Variants in INPP5F observed in about 807,000 individuals in gnomAD.
INPP5F encodes inositol polyphosphate-5-phosphatase F, also known as phosphatidylinositide 4-phosphatase SAC2.
INPP5F carries 97 observed loss-of-function variants against 137.2 expected under a neutral mutation model. The ratio of observed to expected loss-of-function variants is 0.71; its 90% CI spans 0.60 to 0.84. The LOEUF (loss-of-function observed/expected upper bound fraction) is 0.84. Among genes scored for constraint, INPP5F ranks in the 40% least tolerant of loss-of-function variants. The probability of loss-of-function intolerance (pLI) is 0.00; values close to 1 mark genes in which losing one functional copy is unlikely to be tolerated. For synonymous variants in INPP5F, 504 were observed against 476.9 expected (o/e 1.06, Z -0.74); for missense variants, 1,271 against 1,371.9 (o/e 0.93, Z 1.16).
chr10:119,735,365 T>G (rs1848189150), intron 1 of INPP5F, among the ~76,000 whole-genome samples: 1 of 152,232 alleles, frequency 6.6e-6, no homozygotes, highest in African/African-American at 2.4e-5. Flanking sequence ...AAGCCAATTT[T>G]CTTTATGAAT....
In INPP5F at chr10:119,765,880, TAGAGAGAG is replaced by T. The variant is rs3065469; in HGVS notation, c.178+14736_178+14743del. ...ACACTATATACTATATATATATATA[TAGAGAGAG>T]AGAGAGAGAGACGGAGATTTAACAT... On this transcript the variant is annotated intron_variant, in intron 2 of 19. Coordinates refer to ENST00000650623, the MANE Select transcript of INPP5F (RefSeq NM_014937.4). Among the ~76,000 whole-genome samples, 193 of 144,282 alleles carry T rather than the reference TAGAGAGAG, an allele frequency of 1.3e-3. 1 individual carries two copies. The highest frequency in any genetic ancestry group is 4.4e-3 in the African/African-American group (173 of 39,002). 94.7% of individuals were successfully genotyped at this position (144,282 alleles called of 152,430 possible).
chr10:119,827,890 A>T lies in INPP5F; in HGVS notation c.*110A>T. On this transcript the variant is annotated 3_prime_UTR_variant, in exon 20 of 20. Coordinates refer to ENST00000650623, the MANE Select transcript of INPP5F (RefSeq NM_014937.4). The stretch of plus-strand genomic sequence containing the variant: ...AACCCAGGGATCACAAATTCTGTTC[A>T]TTGGAAAGGGTTTTAAACGGAGTCG... The T allele has an allele frequency of 1.1e-6, 1 of 871,094 alleles. No individual in the cohort carries two copies. Among genetic ancestry groups the T allele is most frequent in the Admixed American group, 2.5e-5 (1 of 40,294 alleles). 54.0% of individuals were successfully genotyped at this position (871,094 alleles called of 1,614,324 possible).
intron 18 of INPP5F, 37 bp downstream of exon 18, chr10:119,823,236 C>G (rs1260572111): frequency 6.3e-7 from 1 of 1,597,996 alleles, no homozygotes; most frequent in Admixed American, 1.7e-5. Flanking sequence ...TCAGTGAAAA[C>G]TTTCTATTTA....
chr10:119,775,004 AAAACT>A (rs1369285527), intron 2 of INPP5F, among the ~76,000 whole-genome samples: 17 of 152,260 alleles, frequency 1.1e-4, no homozygotes, highest in East Asian at 9.6e-4. Context: ...AAAAATAAAA[AAAACT>A]AAACTAAGTA....
chr10:119,793,634 A>G (rs1479981443), intron 6 of INPP5F: 1 of 152,204 alleles, frequency 6.6e-6, no homozygotes, highest in Non-Finnish European at 1.5e-5. Flanking sequence ...GAGACAGAAG[A>G]AGAAATCTTT....
intron 2 of INPP5F, among the ~76,000 whole-genome samples, chr10:119,769,112 T>G (rs556091024): frequency 9.2e-5 from 14 of 152,292 alleles, no homozygotes; most frequent in African/African-American, 3.1e-4. Context: ...AAATGGGATA[T>G]ATTAATATAT....
At chr10:119,756,865 C>CAA (rs11415974) in intron 2 of INPP5F, among the ~76,000 whole-genome samples, 17,411 of 97,012 alleles carry the variant, frequency 0.18, 1,596 homozygotes, top group South Asian at 0.23. Flanking sequence ...AGCTCTGCCA[C>CAA]AAAAAAAAAA....
intron 1 of INPP5F, among the ~76,000 whole-genome samples, chr10:119,730,262 A>G (rs1188887761): frequency 2.0e-5 from 3 of 152,088 alleles, no homozygotes; most frequent in African/African-American, 7.2e-5. Context: ...GGAACCTGTC[A>G]CCACGCCTGG....
chr10:119,798,075 T>C (rs1850448643), intron 8 of INPP5F, among the ~76,000 whole-genome samples: 1 of 152,142 alleles, frequency 6.6e-6, no homozygotes, highest in South Asian at 2.1e-4. Flanking sequence ...ATCGAATATT[T>C]TGTTTCTTCT....
chr10:119,749,958 T>A (rs945032323), intron 1 of INPP5F, among the ~76,000 whole-genome samples: 13 of 152,064 alleles, frequency 8.5e-5, no homozygotes, highest in African/African-American at 2.9e-4. Context: ...TTTGTAGAGA[T>A]GAGGTTTCAC....
At chr10:119,774,804 G>T (rs1419269352) in intron 2 of INPP5F, among the ~76,000 whole-genome samples, 1 of 152,056 alleles carries the variant, frequency 6.6e-6, no homozygotes, top group East Asian at 1.9e-4. Context: ...CTCAAGGTCT[G>T]AAAAACTGCT....
intron 2 of INPP5F, 144 bp downstream of exon 2, chr10:119,751,300 G>A: frequency 3.1e-6 from 2 of 640,772 alleles, no homozygotes; most frequent in South Asian, 1.9e-5. Flanking sequence ...TGTATAATGA[G>A]CGAAGACCTG....
At chr10:119,760,167 C>G (rs1477331354) in intron 2 of INPP5F, among the ~76,000 whole-genome samples, 1 of 152,224 alleles carries the variant, frequency 6.6e-6, no homozygotes, top group Non-Finnish European at 1.5e-5. Context: ...GTGCCTCATG[C>G]TATTCCACTC....
Position 119,732,500 on chromosome 10 carries a change from C to CTTTTTTTTTTTTTTT in INPP5F, c.97+6144_97+6158dup, listed in dbSNP as rs59388357. ...TGAGCACTTTTCTTTTTTCTTTTTTCTTTTTTTTTTTTTTTTTGAGACGGA... is the reference window on the plus strand; with the variant it reads ...TGAGCACTTTTCTTTTTTCTTTTTTCTTTTTTTTTTTTTTTTTTTTTTTTTTTTTTTTGAGACGGA... On this transcript the variant is annotated intron_variant, in intron 1 of 19. Transcript: ENST00000650623. Among the ~76,000 whole-genome samples the CTTTTTTTTTTTTTTT allele has an allele frequency of 6.9e-5, 8 of 115,566 alleles. No individual in the cohort carries two copies. The East Asian group carries it at 1.1e-3, about 15-fold the overall frequency. 75.8% of individuals were successfully genotyped at this position (115,566 alleles called of 152,430 possible).
Position 119,798,168 on chromosome 10 carries a change from TTAAAG to T in INPP5F, c.1049-370_1049-366del, listed in dbSNP as rs1351617132. Among the ~76,000 whole-genome samples, 11 of 152,196 alleles carry T rather than the reference TTAAAG, an allele frequency of 7.2e-5. No individual in the cohort carries two copies. In the South Asian group the frequency reaches 1.5e-3, roughly 20 times the overall value. On this transcript the variant is annotated intron_variant, in intron 8 of 19. Coordinates refer to ENST00000650623, the MANE Select transcript of INPP5F (RefSeq NM_014937.4). ...AATGAGCTTGATTTTAAAAAAAATG[TTAAAG>T]TAAATTTCTCTCTCAACTTAGTTGG...
chr10:119,747,147 A>G (rs188642337), intron 1 of INPP5F, among the ~76,000 whole-genome samples: 1 of 152,334 alleles, frequency 6.6e-6, no homozygotes, highest in Admixed American at 6.5e-5. Context: ...AAGGAAATAA[A>G]CATCATGTTA....
chr10:119,746,656 G>T (rs1291884030), intron 1 of INPP5F, among the ~76,000 whole-genome samples: 3 of 152,114 alleles, frequency 2.0e-5, no homozygotes, highest in Non-Finnish European at 4.4e-5. Context: ...GAAAATATTT[G>T]CAAACATGTC....
chr10:119,760,210 T>C (rs1848970787), intron 2 of INPP5F, among the ~76,000 whole-genome samples: 1 of 152,232 alleles, frequency 6.6e-6, no homozygotes, highest in African/African-American at 2.4e-5. Flanking sequence ...ACCCATTTGT[T>C]CTTAAACTCC....
At chr10:119,767,940 T>C (rs1849224297) in intron 2 of INPP5F, among the ~76,000 whole-genome samples, 2 of 152,222 alleles carry the variant, frequency 1.3e-5, no homozygotes, top group African/African-American at 4.8e-5. Flanking sequence ...TAGTTTAGAC[T>C]GTCAATTTGA....
Sources: gnomAD v4.1 joint callset for allele counts (sites outside exome capture counted in the v4.1 genomes callset) on GRCh38, gnomAD v4.1.1 for gene constraint, MANE v1.5 for transcripts, NCBI Gene and HGNC (gene_info 2026-07-23, HGNC 2026-07-21) for gene names.